The following IL16 variants were observed in gnomAD, a reference collection of about 807,000 sequenced individuals.
IL16 encodes pro-interleukin-16.
Under a neutral mutation model 110.1 loss-of-function variants are expected in IL16, and 67 were observed. The observed-to-expected ratio is 0.61, with a 90% CI of 0.50 to 0.75. The LOEUF is 0.75. Ranked by LOEUF, IL16 falls within the 30% of genes least tolerant of loss-of-function variation. IL16 has a pLI of 0.00. For synonymous variants in IL16, 689 were observed against 662.9 expected (o/e 1.04, Z -0.61); for missense variants, 1,545 against 1,655.0 (o/e 0.93, Z 1.15).
chr15:81,299,770 C>T lies in IL16; in HGVS notation c.2444C>T (p.Ser815Phe), dbSNP rs778977411. Reference sequence around the variant, plus strand: ...AGAGGGCTCCCTGATCCTGCCTTGTCCACCCAGCCAGCACCTGCTTCCAGG... The same window carrying T: ...AGAGGGCTCCCTGATCCTGCCTTGTTCACCCAGCCAGCACCTGCTTCCAGG... ...DPRGLPDPAL[S>F]TQPAPASREH... Residue 815 changes from serine (S) to phenylalanine (F), a missense_variant, in exon 14 of 19, where the codon TCC (serine) becomes TTC (phenylalanine). Physicochemically the swap from Ser to Phe is radical, Grantham distance 155. Transcript: ENST00000683961. The T allele has an allele frequency of 6.2e-7, 1 of 1,614,144 alleles. No individual in the cohort carries two copies. The highest frequency in any genetic ancestry group is 8.5e-7 in the Non-Finnish European group (1 of 1,180,006).
At chr15:81,194,369 A>C (rs1320645244), upstream of IL16, among the ~76,000 whole-genome samples, 6 of 152,136 alleles carry the variant, frequency 3.9e-5, no homozygotes, top group Non-Finnish European at 8.8e-5. Context: ...TACTTGCCAC[A>C]ACAAACATGT....
intron 1 of IL16, among the ~76,000 whole-genome samples, chr15:81,183,712 C>G (rs1247816183): frequency 6.6e-6 from 1 of 152,226 alleles, no homozygotes; most frequent in East Asian, 1.9e-4. Context: ...ATTAAGGCAT[C>G]CGCTGAAGTC....
At chr15:81,283,125 G>T (rs1008610113) in intron 9 of IL16, among the ~76,000 whole-genome samples, 10 of 152,204 alleles carry the variant, frequency 6.6e-5, no homozygotes, top group African/African-American at 2.4e-4. Flanking sequence ...GCCAGGTGTG[G>T]GTCCTGCCAG....
chr15:81,243,010 A>G (rs1325355051), intron 2 of IL16, among the ~76,000 whole-genome samples: 2 of 151,048 alleles, frequency 1.3e-5, no homozygotes, highest in East Asian at 1.9e-4. Flanking sequence ...AGAGTGAATA[A>G]CATCAATTGA....
chr15:81,282,588 C>A (rs559919221), intron 8 of IL16, 51 bp from the exon 9 acceptor site: 1 of 1,386,324 alleles, frequency 7.2e-7, no homozygotes, highest in East Asian at 2.3e-5. Context: ...GAGTAGGCCC[C>A]CTGGGAAAGC....
Position 81,292,645 on chromosome 15 carries a change from C to T in IL16, c.1510C>T (p.Gln504Ter). The change falls in exon 12 of 19, where the codon CAG becomes TAG. Residue 504 changes from glutamine (Q) to a stop codon, truncating the protein, a stop_gained. Coordinates refer to ENST00000683961, the MANE Select transcript of IL16 (RefSeq NM_172217.5). LOFTEE classifies it high-confidence loss of function. Reference protein sequence around the residue: ...KNSAPPHRRAQKVMIRSSSDS... With the variant: ...KNSAPPHRRA ...CTCAGCACCCCCGCATCGCAGGGCT[C>T]AGAAGGTCATGATCCGCTCCAGCAG... is the stretch of plus-strand genomic sequence containing the variant. 2.5e-6 allele frequency: 4 copies of T among 1,613,656 alleles called. No individual in the cohort carries two copies. Among genetic ancestry groups the T allele is most frequent in the Non-Finnish European group, 3.4e-6 (4 of 1,179,606 alleles).
chr15:81,273,817 C>T (rs1342629614), intron 6 of IL16, among the ~76,000 whole-genome samples: 1 of 152,118 alleles, frequency 6.6e-6, no homozygotes, highest in East Asian at 1.9e-4. Context: ...AACCCACCCC[C>T]TCTCAACTCT....
At chr15:81,241,494 A>G (rs887890793) in intron 2 of IL16, among the ~76,000 whole-genome samples, 10 of 152,150 alleles carry the variant, frequency 6.6e-5, no homozygotes, top group African/African-American at 2.2e-4. Context: ...GCAAGGGCTT[A>G]CATATCTTTC....
rs748099934 is a variant in IL16, at chr15:81,292,950, T to A, written c.1815T>A (p.Phe605Leu). ...SKPKPPPRKY[F>L]KSDSDPQKSL... ...CCAAGCCTCCACCCAGAAAATACTT[T>A]AAAAGTGACAGTGACCCTCAGAAGA... The change falls in exon 12 of 19, where the codon TTT becomes TTA. Residue 605 changes from phenylalanine (F) to leucine (L), a missense_variant. Transcript: ENST00000683961. 2 of 1,613,948 alleles carry A rather than the reference T, an allele frequency of 1.2e-6. No homozygotes were observed. The highest frequency in any genetic ancestry group is 4.5e-5 in the East Asian group (2 of 44,888).
In IL16 at chr15:81,184,942, G is replaced by T. The variant is rs751401186; in HGVS notation, c.40+2046G>T. On this transcript the variant is annotated intron_variant, in intron 1 of 18. Transcript: ENST00000302987. ...TTGGATGTGTCCTCAATAATAGTTG[G>T]GTCCTGTGGTCTCCACCATAGGTGC... Among the ~76,000 whole-genome samples the T allele has an allele frequency of 4.9e-4, 75 of 152,110 alleles. 1 individual carries two copies. The highest frequency in any genetic ancestry group is 1.1e-3 in the Non-Finnish European group (72 of 68,026).
Position 81,308,745 on chromosome 15 carries a change from A to C in IL16, c.3946A>C (p.Ile1316Leu), listed in dbSNP as rs1416720980. The change falls in exon 19 of 19, where the codon ATC (isoleucine) becomes CTC (leucine). Residue 1316 changes from isoleucine to leucine, a missense_variant. By Grantham distance (5) the Ile-to-Leu change is conservative (BLOSUM62 2). Around this residue, in one of 3 missense-constraint regions of IL16, gnomAD observed 356 missense variants for 399.3 expected, o/e 0.89. Transcript: ENST00000683961. The stretch of plus-strand genomic sequence containing the variant: ...GCCTGATGGACCTGTCACGATTGTC[A>C]TCAGGAGAAAAAGCCTCCAGTCCAA... ...ALPDGPVTIV[I>L]RRKSLQSKET... The C allele has an allele frequency of 5.0e-6, 8 of 1,614,172 alleles. No homozygotes were observed. Among genetic ancestry groups the C allele is most frequent in the Non-Finnish European group, 5.9e-6 (7 of 1,180,024 alleles).
chr15:81,295,496 G>A, intron 12 of IL16: 2 of 1,289,710 alleles, frequency 1.6e-6, no homozygotes, highest in East Asian at 5.5e-5. Context: ...GTCAACAGAT[G>A]TCAACTTACA....
chr15:81,271,272 A>T (rs1596015921), intron 5 of IL16, among the ~76,000 whole-genome samples: 1 of 147,892 alleles, frequency 6.8e-6, no homozygotes, highest in African/African-American at 2.6e-5. Context: ...ATAAAATAAA[A>T]TAAATTAAAT....
At chr15:81,268,981 C>T (rs757425449) in intron 4 of IL16, among the ~76,000 whole-genome samples, 1 of 152,236 alleles carries the variant, frequency 6.6e-6, no homozygotes, top group Admixed American at 6.5e-5. Context: ...ACCACTAAGC[C>T]GTATTTCCCC....
intron 2 of IL16, among the ~76,000 whole-genome samples, chr15:81,229,655 G>A (rs1178982544): frequency 6.6e-6 from 1 of 152,290 alleles, no homozygotes; most frequent in Middle Eastern, 3.4e-3. Flanking sequence ...CAAGGCCAAA[G>A]GCAACAGCAG....
intron 4 of IL16, among the ~76,000 whole-genome samples, chr15:81,267,141 C>G (rs1290450417): frequency 6.6e-6 from 1 of 152,164 alleles, no homozygotes; most frequent in Non-Finnish European, 1.5e-5. Flanking sequence ...GCGGGTACTT[C>G]CTGGGGGAAG....
intron 2 of IL16, among the ~76,000 whole-genome samples, chr15:81,247,670 T>A (rs72746133): frequency 0.078 from 11,902 of 152,102 alleles, 607 homozygotes; most frequent in Middle Eastern, 0.14. Flanking sequence ...TCTATGCTAT[T>A]TTATCACTTG....
rs1900199047 is a variant in IL16 at position 81,300,117 on chromosome 15, C to A, written c.2791C>A (p.Gln931Lys). ...ESPPPGRQPN[Q>K]KTLPPGPDPL... Reference sequence around the variant, plus strand: ...CCCTCCCCCAGGGCGGCAGCCCAATCAGAAAACTCTCCCCCCTGGCCCGGA... The same window carrying A: ...CCCTCCCCCAGGGCGGCAGCCCAATAAGAAAACTCTCCCCCCTGGCCCGGA... Residue 931 changes from glutamine (Q) to lysine (K), a missense_variant, in exon 14 of 19, where the codon CAG (glutamine) becomes AAG (lysine). Around this residue, in one of 3 missense-constraint regions of IL16, gnomAD observed 1,185 missense variants for 1,238.8 expected, o/e 0.96. Transcript: ENST00000683961. 1.3e-6 allele frequency: 2 copies of A among 1,593,748 alleles called. No individual in the cohort carries two copies. The highest frequency in any genetic ancestry group is 1.7e-6 in the Non-Finnish European group (2 of 1,170,134).
intron 2 of IL16, among the ~76,000 whole-genome samples, chr15:81,228,693 G>A (rs747346706): frequency 8.5e-5 from 13 of 152,172 alleles, no homozygotes; most frequent in Non-Finnish European, 1.9e-4. Context: ...TGGGAGGAAG[G>A]TAGTAGAATA....
Sources: gnomAD v4.1 joint callset for allele counts (sites outside exome capture counted in the v4.1 genomes callset) on GRCh38, gnomAD v4.1.1 for gene constraint, gnomAD v4.1.1 regional missense constraint, MANE v1.5 for transcripts, NCBI Gene and HGNC (gene_info 2026-07-23, HGNC 2026-07-21) for gene names.